UBAP1: variants seen among roughly 807,000 people sequenced by gnomAD.
The protein encoded by UBAP1 is ubiquitin associated protein 1.
UBAP1 carries 5 observed loss-of-function variants against 39.0 expected under a neutral mutation model. The ratio of observed to expected loss-of-function variants is 0.13; its 90% CI spans 0.07 to 0.27. The LOEUF (loss-of-function observed/expected upper bound fraction) is 0.27, where lower values mean the gene tolerates loss of function less well. UBAP1 is among the 10% of genes least tolerant of loss of function. The pLI, the probability that UBAP1 is intolerant of heterozygous loss-of-function variation, is 1.00. For synonymous variants in UBAP1, 211 were observed against 225.1 expected, an observed-to-expected ratio of 0.94 and a Z score of 0.56; for missense variants, 490 against 608.1, an observed-to-expected ratio of 0.81 and a Z score of 2.04.
At chr9:34,228,235 G>A (rs1314680594) in intron 2 of UBAP1, among the ~76,000 whole-genome samples, 3 of 151,906 alleles carry the variant, frequency 2.0e-5, no homozygotes, top group Non-Finnish European at 4.4e-5. Context: ...TGGCTAACAC[G>A]GTGAAACCCC....
intron 2 of UBAP1, among the ~76,000 whole-genome samples, chr9:34,230,768 TG>T (rs1833365481): frequency 6.6e-6 from 1 of 152,218 alleles, no homozygotes; most frequent in South Asian, 2.1e-4. Flanking sequence ...GGTACATTTT[TG>T]TAACTTTGTT....
At chr9:34,217,137 A>G (rs10758248) in intron 1 of UBAP1, among the ~76,000 whole-genome samples, 106,343 of 151,978 alleles carry the variant, frequency 0.7, 39,259 homozygotes, top group East Asian at 0.95. Context: ...GTGATTCTCC[A>G]CAGTCAGAAG....
intron 1 of UBAP1, among the ~76,000 whole-genome samples, chr9:34,182,669 T>TTC (rs200953266): frequency 2.1e-5 from 1 of 47,040 alleles, no homozygotes; most frequent in Non-Finnish European, 5.8e-5. Context: ...CTTTCTTTCT[T>TTC]TCTTTCTTTC....
intron 1 of UBAP1, among the ~76,000 whole-genome samples, chr9:34,203,478 A>G (rs1831514478): frequency 6.6e-6 from 1 of 152,314 alleles, no homozygotes; most frequent in African/African-American, 2.4e-5. Context: ...GCCGGGCACT[A>G]TGCTTGGTGT....
At chr9:34,248,844 T>A (rs1300148121) in intron 4 of UBAP1, among the ~76,000 whole-genome samples, 1 of 152,110 alleles carries the variant, frequency 6.6e-6, no homozygotes, top group Admixed American at 6.5e-5. Context: ...AATAAAAAAA[T>A]TTTTGTGTGA....
At chr9:34,234,457 G>A (rs1176389779) in intron 3 of UBAP1, 117 bp downstream of exon 3, 9 of 1,181,406 alleles carry the variant, frequency 7.6e-6, no homozygotes, top group East Asian at 4.9e-5. Flanking sequence ...TTTGGTCAAC[G>A]ATGGACCACA....
At position 34,251,669 on chromosome 9, in the gene UBAP1, C is replaced by G; in HGVS notation, c.*137C>G. 1.0e-6 allele frequency: 1 copy of G among 972,824 alleles called. No individual in the cohort carries two copies. Among genetic ancestry groups the G allele is most frequent in the Non-Finnish European group, 1.5e-6 (1 of 676,776 alleles). The allele number at this position is 972,824 out of a possible 1,614,324, so 60.3% of individuals were successfully genotyped here. A position where few individuals can be genotyped will look rare whatever the true frequency, so the allele number is the denominator to read the frequency against. On this transcript the variant is annotated 3_prime_UTR_variant, in exon 7 of 7. Coordinates refer to ENST00000297661, the MANE Select transcript of UBAP1 (RefSeq NM_016525.5). ...GAAGGTCAGGTGTGGAGACTGCTCG[C>G]CAGTCTCTGTGAGCCTAGGCCCTGA...
At chr9:34,234,142 G>A (rs139260798) in intron 2 of UBAP1, 74 bp from the exon 3 acceptor site, 11 of 1,471,914 alleles carry the variant, frequency 7.5e-6, no homozygotes, top group Admixed American at 7.2e-5. Context: ...ATGCATATCC[G>A]TTAGACATAA....
intron 2 of UBAP1, among the ~76,000 whole-genome samples, chr9:34,225,944 A>C (rs1833026904): frequency 6.6e-6 from 1 of 152,086 alleles, no homozygotes; most frequent in African/African-American, 2.4e-5. Context: ...CCCCTCCTTA[A>C]ATCACTTTAT....
At chr9:34,215,965 AT>A in intron 1 of UBAP1, among the ~76,000 whole-genome samples, 1 of 152,180 alleles carries the variant, frequency 6.6e-6, no homozygotes, top group East Asian at 1.9e-4. Flanking sequence ...TGGGAAAAAA[AT>A]ATTTTATCAG....
chr9:34,207,119 T>C (rs918161561), intron 1 of UBAP1, among the ~76,000 whole-genome samples: 2 of 140,586 alleles, frequency 1.4e-5, no homozygotes, highest in African/African-American at 5.2e-5. Flanking sequence ...TGGTGTGAGC[T>C]CAGCTCACTG....
chr9:34,222,124 A>G (rs1432467348), intron 2 of UBAP1, among the ~76,000 whole-genome samples: 1 of 152,118 alleles, frequency 6.6e-6, no homozygotes. Context: ...CCTGACTCAA[A>G]CAAAAAAAAT....
intron 1 of UBAP1, among the ~76,000 whole-genome samples, chr9:34,219,315 C>CT (rs1254100377): frequency 2.6e-5 from 4 of 152,076 alleles, no homozygotes; most frequent in Admixed American, 6.6e-5. Flanking sequence ...CTTCGAACTC[C>CT]TGGGCTCAAG....
Position 34,201,781 on chromosome 9 carries a change from G to A in UBAP1, c.-7-19127G>A, listed in dbSNP as rs141720073. Among the ~76,000 whole-genome samples, 751 of 152,140 alleles carry A rather than the reference G, an allele frequency of 4.9e-3. 5 individuals carry two copies. Among genetic ancestry groups the A allele is most frequent in the African/African-American group, 0.017 (706 of 41,514 alleles). On this transcript the variant is annotated intron_variant, in intron 1 of 6. Transcript: ENST00000297661. ...GTGTCAGATCCCACTGGTTGAATGC[G>A]CAGTCTCCAAGATTGCCCCCTAGCA...
intron 1 of UBAP1, among the ~76,000 whole-genome samples, chr9:34,197,703 C>T (rs938893501): frequency 2.0e-5 from 3 of 152,066 alleles, no homozygotes; most frequent in African/African-American, 4.8e-5. Flanking sequence ...GCATGTGCTA[C>T]CATGCCTGGC....
At chr9:34,180,771 G>C (rs1231096597) in intron 1 of UBAP1, among the ~76,000 whole-genome samples, 1 of 150,984 alleles carries the variant, frequency 6.6e-6, no homozygotes, top group Admixed American at 6.6e-5. Context: ...TTACTAACCT[G>C]CTAGAACCTC....
In UBAP1 at chr9:34,179,244, A is replaced by AGGG; in HGVS notation, c.-8+8_-8+10dup. ...CGGCGGCAGCAGCGGCATTCAGGTG[A>AGGG]GGGGGGCCTCCCTCTGGGGGAGGGG... On this transcript the variant is annotated splice_donor_region_variant and intron_variant, in intron 1 of 6. Coordinates refer to ENST00000297661, the MANE Select transcript of UBAP1 (RefSeq NM_016525.5). The AGGG allele has an allele frequency of 1.2e-6, 1 of 835,726 alleles. No homozygotes were observed. 51.8% of individuals were successfully genotyped at this position (835,726 alleles called of 1,614,324 possible). A position where few individuals can be genotyped will look rare whatever the true frequency, so the allele number is the denominator to read the frequency against.
chr9:34,235,328 TG>T (rs1320628324), intron 3 of UBAP1, among the ~76,000 whole-genome samples: 1 of 146,952 alleles, frequency 6.8e-6, no homozygotes, highest in Non-Finnish European at 1.5e-5. Flanking sequence ...TGTGTGTGTG[TG>T]TGTATATATA....
chr9:34,213,441 G>A (rs1587831097), intron 1 of UBAP1, among the ~76,000 whole-genome samples: 1 of 152,072 alleles, frequency 6.6e-6, no homozygotes, highest in South Asian at 2.1e-4. Context: ...AACCCAGGAG[G>A]TGGAAGTTGC....
Sources: allele counts gnomAD v4.1 joint callset (sites outside exome capture counted in the v4.1 genomes callset), GRCh38; gene constraint gnomAD v4.1.1; transcripts MANE v1.5; gene names NCBI Gene and HGNC (gene_info 2026-07-23, HGNC 2026-07-21).